The following GPX3 variants were observed in gnomAD, a reference collection of about 807,000 sequenced individuals.
GPX3 encodes glutathione peroxidase 3.
Under a neutral mutation model 25.1 loss-of-function variants are expected in GPX3, and 22 were observed. That is an observed-to-expected ratio of 0.88 (90% CI 0.63 to 1.25). GPX3 has a LOEUF of 1.25. GPX3 is among the 50% of genes most tolerant of loss of function. The pLI, the probability that GPX3 is intolerant of heterozygous loss-of-function variation, is 0.00. For synonymous variants in GPX3, 110 were observed against 114.5 expected (o/e 0.96, Z 0.25); for missense variants, 278 against 286.6 (o/e 0.97, Z 0.22).
intron 1 of GPX3, 161 bp downstream of exon 1, chr5:151,020,902 G>A (rs1213606985): frequency 4.9e-5 from 35 of 720,548 alleles, no homozygotes; most frequent in Non-Finnish European, 8.4e-5. Context: ...CCGCCGCCGG[G>A]ACCCCGCCCC....
At chr5:151,024,781 T>C (rs1262338437) in intron 1 of GPX3, among the ~76,000 whole-genome samples, 1 of 152,222 alleles carries the variant, frequency 6.6e-6, no homozygotes, top group Non-Finnish European at 1.5e-5. Flanking sequence ...TCATCTTTCC[T>C]GTCCTGCAGA....
Position 151,026,972 on chromosome 5 carries a change from G to A in GPX3, c.314G>A (p.Gly105Glu), listed in dbSNP as rs773898104. The part of the protein sequence containing the change: ...VILGFPCNQF[G>E]KQEPGENSEI... ...CTGGGCTTTCCCTGCAACCAATTTG[G>A]AAAACAGGAACCAGGAGAGAACTCA... The change falls in exon 3 of 5, where the codon GGA becomes GAA. Residue 105 changes from glycine to glutamate, a missense_variant. Transcript: ENST00000388825. 59 of 1,613,984 alleles carry A rather than the reference G, an allele frequency of 3.7e-5. No homozygotes were observed. The highest frequency in any genetic ancestry group is 4.7e-5 in the Non-Finnish European group (55 of 1,179,986).
intron 2 of GPX3, 116 bp downstream of exon 2, chr5:151,025,609 C>T: frequency 1.2e-6 from 1 of 838,778 alleles, no homozygotes; most frequent in South Asian, 2.0e-5. Context: ...GTCCAAGCCC[C>T]TTTTCTCAGC....
At position 151,028,378 on chromosome 5, in the gene GPX3, C is replaced by T. The variant is rs8177449; in HGVS notation, c.*248C>T. The T allele has an allele frequency of 0.057, 29,596 of 522,580 alleles. 1,076 individuals are homozygous for T. The highest frequency in any genetic ancestry group is 0.075 in the Non-Finnish European group (21,395 of 284,872). The allele number at this position is 522,580 out of a possible 1,614,324, so 32.4% of individuals were successfully genotyped here. On this transcript the variant is annotated 3_prime_UTR_variant, in exon 5 of 5. Transcript: ENST00000388825. ...GTGTGTGTGCATGGGTGTACAGCCACGTGTCTACCTATGTGTCTTTCTGGG... is the reference window on the plus strand; with the variant it reads ...GTGTGTGTGCATGGGTGTACAGCCATGTGTCTACCTATGTGTCTTTCTGGG...
At chr5:151,025,096 G>A (rs3763012) in intron 1 of GPX3, among the ~76,000 whole-genome samples, 36,344 of 152,010 alleles carry the variant, frequency 0.24, 4,980 homozygotes, top group East Asian at 0.62. Flanking sequence ...CTTATTAGGT[G>A]CTTAATATTA....
intron 3 of GPX3, 97 bp from the exon 4 acceptor site, chr5:151,027,335 A>G: frequency 2.5e-6 from 2 of 790,268 alleles, no homozygotes; most frequent in Non-Finnish European, 4.3e-6. Flanking sequence ...GAATAAATCC[A>G]GACTCCCAAC....
intron 1 of GPX3, chr5:151,020,948 A>G: frequency 1.6e-6 from 1 of 644,594 alleles, no homozygotes; most frequent in Non-Finnish European, 2.8e-6. Context: ...TCTGTTGGAG[A>G]GCCGAGACCT....
At position 151,028,063 on chromosome 5, in the gene GPX3, G is replaced by C. The variant is rs751139605; in HGVS notation, c.614G>C (p.Ser205Thr). The C allele has an allele frequency of 2.5e-6, 4 of 1,612,738 alleles. No homozygotes were observed. The highest frequency in any genetic ancestry group is 3.4e-6 in the Non-Finnish European group (4 of 1,179,322). The change falls in exon 5 of 5, where the codon AGC (serine) becomes ACC (threonine). Residue 205 changes from serine (S) to threonine (T), a missense_variant. Ser to Thr is a moderately conservative substitution (Grantham distance 58). Transcript: ENST00000388825. ...CGCTGGCACCACCGGACCACGGTCA[G>C]CAACGTCAAGATGGACATCCTGTCC... ...IMRWHHRTTVSNVKMDILSYM... is the reference protein window; with the variant it reads ...IMRWHHRTTVTNVKMDILSYM...
At chr5:151,027,056 C>G in intron 3 of GPX3, 39 bp downstream of exon 3, 3 of 1,308,400 alleles carry the variant, frequency 2.3e-6, no homozygotes, top group Non-Finnish European at 3.3e-6. Flanking sequence ...GCTCCTCTCA[C>G]ATGGCCCACA....
intron 1 of GPX3, chr5:151,021,806 C>CA (rs1306058412): frequency 6.6e-6 from 1 of 152,482 alleles, no homozygotes; most frequent in Non-Finnish European, 1.5e-5. Context: ...GGGATAGACT[C>CA]AAAGCGAGCG....
intron 4 of GPX3, 64 bp downstream of exon 4, chr5:151,027,595 C>T (rs563091688): frequency 1.0e-5 from 11 of 1,062,688 alleles, no homozygotes; most frequent in Non-Finnish European, 1.4e-5. Flanking sequence ...CCCACAGCGT[C>T]AGGGCCCATG....
intron 3 of GPX3, 103 bp downstream of exon 3, chr5:151,027,120 TCTC>T (rs1476183019): frequency 1.2e-5 from 9 of 777,174 alleles, no homozygotes; most frequent in Non-Finnish European, 2.0e-5. Flanking sequence ...CAAGAACTAC[TCTC>T]CTCTTCTAGG....
At chr5:151,022,753 G>A (rs1036050940) in intron 1 of GPX3, among the ~76,000 whole-genome samples, 1 of 152,190 alleles carries the variant, frequency 6.6e-6, no homozygotes, top group African/African-American at 2.4e-5. Context: ...GCCGGAAAGA[G>A]TGACAACTGC....
intron 1 of GPX3, among the ~76,000 whole-genome samples, chr5:151,023,813 A>T (rs143438638): frequency 3.3e-4 from 51 of 152,348 alleles, no homozygotes; most frequent in African/African-American, 1.1e-3. Context: ...ACCCACCAAA[A>T]GTCACCGGAT....
At chr5:151,021,741 T>G (rs1469222886) in intron 1 of GPX3, 1 of 152,658 alleles carries the variant, frequency 6.6e-6, no homozygotes, top group Non-Finnish European at 1.5e-5. Context: ...TCTGTAGACC[T>G]CTCCTCTACC....
At chr5:151,021,365 CTG>C (rs1387540847) in intron 1 of GPX3, 2 of 152,740 alleles carry the variant, frequency 1.3e-5, no homozygotes, top group East Asian at 1.9e-4. Context: ...GAGTCCTTAC[CTG>C]CTCCTGGACC....
rs781326577 is a variant in GPX3 at position 151,025,366 on chromosome 5, C to T, written c.114C>T (p.Gly38=). ...SKMDCHGGIS[G]TIYEYGALTI... ...TGGACTGCCATGGTGGCATAAGTGG[C>T]ACCATTTACGAGTACGGAGCCCTCA... Residue 38 remains glycine (G), a synonymous_variant, in exon 2 of 5, where the codon GGC becomes GGT. Coordinates refer to ENST00000388825, the MANE Select transcript of GPX3 (RefSeq NM_002084.5). The T allele has an allele frequency of 1.2e-5, 19 of 1,599,852 alleles. 1 individual carries two copies. The South Asian group carries it at 1.3e-4, about 11-fold the overall frequency.
In GPX3 at chr5:151,026,896, C is replaced by T. The variant is rs369029244; in HGVS notation, c.242-4C>T. 15 of 1,607,946 alleles carry T rather than the reference C, an allele frequency of 9.3e-6. No homozygotes were observed. The African/African-American group carries it at 1.7e-4, about 19-fold the overall frequency. ...CCCACATCTGCTCTTTCTCTTTGGCCCAGAACTGAATGCACTACAGGAAGA... is the reference window on the plus strand; with the variant it reads ...CCCACATCTGCTCTTTCTCTTTGGCTCAGAACTGAATGCACTACAGGAAGA... On this transcript the variant is annotated splice_polypyrimidine_tract_variant and splice_region_variant and intron_variant, in intron 2 of 4. Coordinates refer to ENST00000388825, the MANE Select transcript of GPX3 (RefSeq NM_002084.5).
At chr5:151,020,781 T>C in intron 1 of GPX3, 40 bp downstream of exon 1, 3 of 1,563,896 alleles carry the variant, frequency 1.9e-6, no homozygotes, top group Non-Finnish European at 2.6e-6. Flanking sequence ...AGAAAAAACC[T>C]AGCCCCTCGG....
Sources: allele counts gnomAD v4.1 joint callset (sites outside exome capture counted in the v4.1 genomes callset), GRCh38; gene constraint gnomAD v4.1.1; transcripts MANE v1.5; gene names NCBI Gene and HGNC (gene_info 2026-07-23, HGNC 2026-07-21).